Variants in FOCAD observed in about 807,000 individuals in gnomAD.
FOCAD encodes KIAA1797.
FOCAD carries 198 observed loss-of-function variants against 225.6 expected under a neutral mutation model. The ratio of observed to expected loss-of-function variants is 0.88; its 90% CI spans 0.78 to 0.99. The LOEUF (loss-of-function observed/expected upper bound fraction) is 0.99. FOCAD is among the 50% of genes least tolerant of loss of function. The probability of loss-of-function intolerance (pLI) is 0.00; values close to 1 mark genes in which losing one functional copy is unlikely to be tolerated. For synonymous variants in FOCAD, 897 were observed against 755.0 expected, an observed-to-expected ratio of 1.19 and a Z score of -3.08; for missense variants, 2,713 against 2,123.6, an observed-to-expected ratio of 1.28 and a Z score of -5.46.
chr9:20,752,350 G>A, intron 5 of FOCAD, among the ~76,000 whole-genome samples: 1 of 151,044 alleles, frequency 6.6e-6, no homozygotes, highest in Non-Finnish European at 1.5e-5. Context: ...GTGTAAGGAA[G>A]GGATCCAGTT....
chr9:20,954,754 C>G (rs1044661771), intron 35 of FOCAD, among the ~76,000 whole-genome samples: 1 of 152,134 alleles, frequency 6.6e-6, no homozygotes, highest in African/African-American at 2.4e-5. Context: ...TTGGCATTTT[C>G]AGGTTGTGGG....
At chr9:20,764,769 A>AGATT (rs1829912248) in intron 6 of FOCAD, 100 bp from the exon 7 acceptor site, 1 of 873,942 alleles carries the variant, frequency 1.1e-6, no homozygotes, top group Non-Finnish European at 1.8e-6. Flanking sequence ...ATGATATGGT[A>AGATT]GATTATGTTA....
At chr9:20,725,262 T>C (rs535947112) in intron 4 of FOCAD, among the ~76,000 whole-genome samples, 2 of 152,346 alleles carry the variant, frequency 1.3e-5, no homozygotes, top group South Asian at 4.1e-4. Flanking sequence ...TTTAAATTTC[T>C]ACTTGTCTCT....
chr9:20,995,531 C>A (rs773330105), intron 43 of FOCAD, 25 bp from the exon 44 acceptor site: 2 of 1,593,448 alleles, frequency 1.3e-6, no homozygotes, highest in Non-Finnish European at 1.7e-6. Context: ...TCAAATGCAG[C>A]CATACCTATA....
At position 20,911,991 on chromosome 9, in the gene FOCAD, T is replaced by C. The variant is rs200806963; in HGVS notation, c.2719-875T>C. On this transcript the variant is annotated intron_variant, in intron 22 of 43. Coordinates refer to ENST00000338382, the MANE Select transcript of FOCAD (RefSeq NM_001375567.1). The stretch of plus-strand genomic sequence containing the variant: ...AACATTAAAACCATAGTGAAGACCA[T>C]TTCATATCCACCAAAATGGAAAAAA... Among the ~76,000 whole-genome samples the C allele has an allele frequency of 1.2e-4, 19 of 152,196 alleles. No homozygotes were observed. The East Asian group carries it at 3.7e-3, about 29-fold the overall frequency.
At chr9:20,685,536 A>G (rs1822612477) in intron 1 of FOCAD, among the ~76,000 whole-genome samples, 1 of 152,242 alleles carries the variant, frequency 6.6e-6, no homozygotes, top group Admixed American at 6.5e-5. Flanking sequence ...ATTCCTGCGT[A>G]GAAAGCACTG....
intron 15 of FOCAD, among the ~76,000 whole-genome samples, chr9:20,845,571 T>A (rs889213399): frequency 2.6e-5 from 4 of 151,672 alleles, no homozygotes; most frequent in African/African-American, 4.8e-5. Context: ...TCATCTACAG[T>A]GCTACAGTGA....
intron 10 of FOCAD, among the ~76,000 whole-genome samples, chr9:20,787,467 T>A (rs1020425437): frequency 1.3e-5 from 2 of 152,152 alleles, no homozygotes; most frequent in African/African-American, 4.8e-5. Flanking sequence ...GCCCTTTAAA[T>A]TTTATGGTGT....
chr9:20,880,839 C>T (rs1237587702), intron 19 of FOCAD, among the ~76,000 whole-genome samples: 1 of 152,110 alleles, frequency 6.6e-6, no homozygotes, highest in Non-Finnish European at 1.5e-5. Flanking sequence ...TCATTTTCCG[C>T]TACATATGAT....
Position 20,758,076 on chromosome 9 carries a change from T to A in FOCAD, c.393-14T>A. 6.3e-7 allele frequency: 1 copy of A among 1,580,404 alleles called. No homozygotes were observed. The highest frequency in any genetic ancestry group is 1.4e-5 in the African/African-American group (1 of 73,732). ...TGAATAACAGGTTCCCATGTGACTT[T>A]CTGTGTCTTTCAGAAATCATCCTCA... On this transcript the variant is annotated splice_polypyrimidine_tract_variant and intron_variant, in intron 5 of 43. Coordinates refer to ENST00000338382, the MANE Select transcript of FOCAD (RefSeq NM_001375567.1).
chr9:20,980,391 G>A (rs879652956), intron 37 of FOCAD, among the ~76,000 whole-genome samples: 11 of 151,972 alleles, frequency 7.2e-5, no homozygotes, highest in Admixed American at 2.6e-4. Flanking sequence ...AGCCTGTTGG[G>A]TTGGCCTTCG....
chr9:20,770,653 C>T (rs533960487), intron 8 of FOCAD, among the ~76,000 whole-genome samples: 10 of 152,282 alleles, frequency 6.6e-5, no homozygotes, highest in Non-Finnish European at 1.2e-4. Context: ...GGGCATAGAT[C>T]CAAACCATAT....
intron 21 of FOCAD, among the ~76,000 whole-genome samples, chr9:20,888,381 T>A (rs989470229): frequency 6.6e-6 from 1 of 151,928 alleles, no homozygotes; most frequent in Non-Finnish European, 1.5e-5. Context: ...TCATGATCCA[T>A]CTGCCTTGGC....
chr9:20,937,175 T>C (rs970633870), intron 28 of FOCAD, among the ~76,000 whole-genome samples: 1 of 150,454 alleles, frequency 6.6e-6, no homozygotes, highest in Admixed American at 6.6e-5. Context: ...ACAGATTCAA[T>C]GCCATCCCCA....
chr9:20,874,580 T>C (rs1830069585), intron 18 of FOCAD, 101 bp from the exon 19 acceptor site: 3 of 1,291,912 alleles, frequency 2.3e-6, no homozygotes, highest in Admixed American at 4.7e-5. Flanking sequence ...TGATGGAGTC[T>C]AACAAAATTT....
chr9:20,807,121 C>T (rs1023569647), intron 11 of FOCAD, among the ~76,000 whole-genome samples: 2 of 152,176 alleles, frequency 1.3e-5, no homozygotes, highest in Non-Finnish European at 2.9e-5. Flanking sequence ...GGTTTATAGT[C>T]AGTGTTTGAT....
At chr9:20,741,397 A>G (rs1312557641) in intron 5 of FOCAD, among the ~76,000 whole-genome samples, 1 of 152,122 alleles carries the variant, frequency 6.6e-6, no homozygotes, top group Non-Finnish European at 1.5e-5. Flanking sequence ...TATCTCATAT[A>G]CCATGATCTT....
upstream of FOCAD, among the ~76,000 whole-genome samples, chr9:20,682,259 A>G (rs1227597768): frequency 6.6e-6 from 1 of 152,240 alleles, no homozygotes; most frequent in East Asian, 1.9e-4. Context: ...AGCAGCCTGA[A>G]CATAATAAGA....
At chr9:20,891,049 T>C (rs564357957) in intron 21 of FOCAD, among the ~76,000 whole-genome samples, 4 of 152,316 alleles carry the variant, frequency 2.6e-5, no homozygotes, top group South Asian at 2.1e-4. Flanking sequence ...GCTAACAAAA[T>C]GTGAAATATT....
Sources: gnomAD v4.1 joint callset for allele counts (sites outside exome capture counted in the v4.1 genomes callset) on GRCh38, gnomAD v4.1.1 for gene constraint, MANE v1.5 for transcripts, NCBI Gene and HGNC (gene_info 2026-07-23, HGNC 2026-07-21) for gene names.